Variants in GPHN observed in about 807,000 individuals in gnomAD.
GPHN encodes the protein gephyrin.
In GPHN, 17 loss-of-function variants were observed where a neutral mutation model predicts 95.5. The observed-to-expected ratio is 0.18, with a 90% confidence interval of 0.12 to 0.27. The LOEUF is 0.27. GPHN is among the 10% of genes least tolerant of loss of function. The pLI, the probability that GPHN is intolerant of heterozygous loss-of-function variation, is 1.00. For missense variants in GPHN, 660 were observed against 978.1 expected, an observed-to-expected ratio of 0.67 and a Z score of 4.34; for synonymous variants, 320 against 322.5, an observed-to-expected ratio of 0.99 and a Z score of 0.08.
At chr14:66,978,997 T>C (rs141680037) in intron 9 of GPHN, among the ~76,000 whole-genome samples, 12 of 152,334 alleles carry the variant, frequency 7.9e-5, no homozygotes, top group African/African-American at 2.4e-4. Context: ...TGAATACTTA[T>C]ATTTTGAAAG....
the GPHN span, chr14:67,621,038 C>T: frequency 1.1e-5 from 15 of 1,383,086 alleles, no homozygotes; most frequent in Non-Finnish European, 1.5e-5. Context: ...TCTCTGACAT[C>T]CAGGGACTAC....
the GPHN span, among the ~76,000 whole-genome samples, chr14:67,388,710 C>T: frequency 6.6e-6 from 1 of 152,092 alleles, no homozygotes; most frequent in Non-Finnish European, 1.5e-5. Flanking sequence ...GACGGAGTCT[C>T]ACTCTGTCTT....
chr14:67,733,486 G>C, the GPHN span, among the ~76,000 whole-genome samples: 79,304 of 151,854 alleles, frequency 0.52, 21,953 homozygotes, highest in Non-Finnish European at 0.63. Flanking sequence ...ACTTCTGCTC[G>C]CCACTACTTT....
chr14:67,562,192 G>A, the GPHN span: 2 of 1,611,646 alleles, frequency 1.2e-6, no homozygotes, highest in Non-Finnish European at 1.7e-6. Flanking sequence ...GAGCTGCAGA[G>A]CAGGATTCTG....
At chr14:67,542,550 C>A in the GPHN span, among the ~76,000 whole-genome samples, 7 of 152,132 alleles carry the variant, frequency 4.6e-5, no homozygotes, top group Non-Finnish European at 8.8e-5. Context: ...TATATCAGAT[C>A]ACATATGTAA....
intron 17 of GPHN, among the ~76,000 whole-genome samples, 169 bp downstream of exon 17, chr14:67,122,546 T>G (rs1016707003): frequency 6.6e-6 from 1 of 152,248 alleles, no homozygotes; most frequent in African/African-American, 2.4e-5. Context: ...CCTTTAGAGA[T>G]AAAGATTTCT....
the GPHN span, among the ~76,000 whole-genome samples, chr14:67,504,564 A>G: frequency 6.6e-6 from 1 of 152,154 alleles, no homozygotes; most frequent in East Asian, 1.9e-4. Context: ...TGATACACAT[A>G]TAACAAGATG....
intron 9 of GPHN, among the ~76,000 whole-genome samples, chr14:67,010,553 G>GAA (rs529841338): frequency 3.8e-4 from 18 of 47,962 alleles, no homozygotes; most frequent in African/African-American, 9.2e-4. Flanking sequence ...CTCTGTCTCA[G>GAA]AAAAAAAAAA....
intron 1 of GPHN, among the ~76,000 whole-genome samples, chr14:66,541,801 T>A (rs113409094): frequency 5.2e-4 from 79 of 152,288 alleles, no homozygotes; most frequent in African/African-American, 1.6e-3. Flanking sequence ...GAAAAACAAA[T>A]TCACAGAGCA....
chr14:67,377,302 T>C, the GPHN span, among the ~76,000 whole-genome samples: 1 of 152,166 alleles, frequency 6.6e-6, no homozygotes, highest in Admixed American at 6.5e-5. Context: ...CTAGGAAAAA[T>C]CAGTCTTGCA....
intron 5 of GPHN, among the ~76,000 whole-genome samples, chr14:66,900,700 G>A (rs1423176924): frequency 6.6e-6 from 1 of 151,844 alleles, no homozygotes; most frequent in Non-Finnish European, 1.5e-5. Context: ...TTCCATCCAT[G>A]TTCCTGCAAA....
At chr14:67,314,075 C>CT in the GPHN span, among the ~76,000 whole-genome samples, 1 of 151,870 alleles carries the variant, frequency 6.6e-6, no homozygotes, top group East Asian at 1.9e-4. Flanking sequence ...TATCTACAAC[C>CT]TTTTTTAGCG....
the GPHN span, chr14:67,581,981 T>C: frequency 4.6e-6 from 6 of 1,308,828 alleles, no homozygotes; most frequent in Admixed American, 7.0e-5. Flanking sequence ...CTTTATCTTT[T>C]TGGAAATAAA....
At chr14:67,507,219 T>C in the GPHN span, among the ~76,000 whole-genome samples, 1 of 151,992 alleles carries the variant, frequency 6.6e-6, no homozygotes, top group African/African-American at 2.4e-5. Flanking sequence ...ATATAGGTGG[T>C]GCAACTACAG....
the GPHN span, chr14:67,645,715 T>C: frequency 6.2e-7 from 1 of 1,614,026 alleles, no homozygotes; most frequent in Non-Finnish European, 8.5e-7. Flanking sequence ...TTGATGCCCA[T>C]GCTGACATCA....
intron 2 of GPHN, among the ~76,000 whole-genome samples, chr14:66,716,476 A>T (rs1032296390): frequency 6.6e-6 from 1 of 152,182 alleles, no homozygotes; most frequent in Non-Finnish European, 1.5e-5. Context: ...CAGATGGAGC[A>T]TTTAAGCTAT....
At chr14:67,727,488 T>G in the GPHN span, 22 of 352,322 alleles carry the variant, frequency 6.2e-5, 1 homozygote, top group East Asian at 2.9e-4. Context: ...TTTTTTTGTT[T>G]TTTTTTTTTT....
chr14:67,660,360 G>A, the GPHN span, among the ~76,000 whole-genome samples: 4 of 152,064 alleles, frequency 2.6e-5, no homozygotes, highest in African/African-American at 7.2e-5. Flanking sequence ...CGAGGCAGGA[G>A]GATCACTTGA....
chr14:67,689,531 C>T, the GPHN span, among the ~76,000 whole-genome samples: 10 of 152,154 alleles, frequency 6.6e-5, no homozygotes, highest in African/African-American at 2.2e-4. Flanking sequence ...AGTTCAGGTC[C>T]TTCCCTCATA....
Sources: gnomAD v4.1 joint callset for allele counts (sites outside exome capture counted in the v4.1 genomes callset) on GRCh38, gnomAD v4.1.1 for gene constraint, MANE v1.5 for transcripts, NCBI Gene and HGNC (gene_info 2026-07-23, HGNC 2026-07-21) for gene names.